HSD17B11: variants seen among roughly 807,000 people sequenced by gnomAD.
HSD17B11 encodes the protein hydroxysteroid 17-beta dehydrogenase 11, also known as estradiol 17-beta-dehydrogenase 11.
Under a neutral mutation model 27.8 loss-of-function variants are expected in HSD17B11, and 22 were observed. That is an observed-to-expected ratio of 0.79 (90% CI 0.56 to 1.13). HSD17B11 has a LOEUF of 1.13. Among genes scored for constraint, HSD17B11 ranks in the 50% most tolerant of loss-of-function variants. The pLI is 0.00. For missense variants in HSD17B11, 314 were observed against 351.1 expected (o/e 0.89, Z 0.84); for synonymous variants, 117 against 132.8 (o/e 0.88, Z 0.82).
intron 5 of HSD17B11, among the ~76,000 whole-genome samples, chr4:87,346,328 GTAGCAAAGA>G (rs930358277): frequency 6.6e-6 from 1 of 152,162 alleles, no homozygotes; most frequent in African/African-American, 2.4e-5. Flanking sequence ...TCAAAATGGA[GTAGCAAAGA>G]TAGTAGGATT....
At chr4:87,365,165 G>T (rs945502956) in intron 4 of HSD17B11, among the ~76,000 whole-genome samples, 3 of 151,746 alleles carry the variant, frequency 2.0e-5, no homozygotes, top group African/African-American at 7.3e-5. Flanking sequence ...GCGAAACTTT[G>T]TCTCAAAAAA....
rs1735067154 is a variant in HSD17B11, at chr4:87,336,867, C to G, written c.*409G>C. 1 of 175,148 alleles carries G rather than the reference C, an allele frequency of 5.7e-6. No homozygotes were observed. The allele number at this position is 175,148 out of a possible 1,614,324, so 10.8% of individuals were successfully genotyped here. A position where few individuals can be genotyped will look rare whatever the true frequency, so the allele number is the denominator to read the frequency against. ...ATAGTCCTTCATTTTATTTAGAGAG[C>G]TTGAAGTTTCTGATTTTATGTAGAA... On this transcript the variant is annotated 3_prime_UTR_variant, in exon 7 of 7. Transcript: ENST00000358290.
In HSD17B11 at chr4:87,380,920, C is replaced by T. The variant is rs181711847; in HGVS notation, c.318+1335G>A. ...CTCAGGCCAGGTGTGGTGGCTCACG[C>T]GTGTAATCCCAGCACTTTGGGAGGC... is the stretch of plus-strand genomic sequence containing the variant. On this transcript the variant is annotated intron_variant, in intron 2 of 6. Transcript: ENST00000358290. Among the ~76,000 whole-genome samples, 12 of 144,890 alleles carry T rather than the reference C, an allele frequency of 8.3e-5. No homozygotes were observed. In the East Asian group the frequency reaches 2.3e-3, roughly 27 times the overall value.
intron 5 of HSD17B11, among the ~76,000 whole-genome samples, chr4:87,354,434 G>A (rs1735342799): frequency 1.3e-5 from 2 of 151,796 alleles, no homozygotes; most frequent in South Asian, 2.1e-4. Context: ...AGTTCAAGGA[G>A]CCCTTGAGCC....
chr4:87,342,348 C>T (rs931944542), intron 5 of HSD17B11, among the ~76,000 whole-genome samples: 7 of 151,228 alleles, frequency 4.6e-5, no homozygotes, highest in African/African-American at 1.2e-4. Flanking sequence ...TGCCACTGCA[C>T]CCCAGCCTGG....
intron 3 of HSD17B11, chr4:87,374,443 A>G: frequency 3.7e-6 from 1 of 268,610 alleles, no homozygotes; most frequent in Non-Finnish European, 7.0e-6. Context: ...AAATGTGAGA[A>G]CCTAGCTTAG....
Position 87,382,240 on chromosome 4 carries a change from AAC to A in HSD17B11, c.318+13_318+14del. Reference sequence around the variant, plus strand: ...CTCTAACATGATATGATTCTAACTAAACACAACATTTCACCTTCTTTGCAGAG... The same window carrying A: ...CTCTAACATGATATGATTCTAACTAAACAACATTTCACCTTCTTTGCAGAG... On this transcript the variant is annotated intron_variant, in intron 2 of 6. Coordinates refer to ENST00000358290, the MANE Select transcript of HSD17B11 (RefSeq NM_016245.5). 1 of 1,587,674 alleles carries A rather than the reference AAC, an allele frequency of 6.3e-7. No homozygotes were observed. Among genetic ancestry groups the A allele is most frequent in the Non-Finnish European group, 8.6e-7 (1 of 1,156,098 alleles).
intron 5 of HSD17B11, among the ~76,000 whole-genome samples, chr4:87,341,164 GTTT>G (rs961260971): frequency 6.6e-6 from 1 of 151,290 alleles, no homozygotes; most frequent in East Asian, 1.9e-4. Flanking sequence ...GGTTGTTGTT[GTTT>G]TTTTTGGTTT....
rs538219278 is a variant in HSD17B11 at position 87,358,005 on chromosome 4, A to G, written c.558-589T>C. Among the ~76,000 whole-genome samples the G allele has an allele frequency of 2.3e-4, 25 of 108,898 alleles. No individual in the cohort carries two copies. In the East Asian group the frequency reaches 4.3e-3, roughly 19 times the overall value. 71.4% of individuals were successfully genotyped at this position (108,898 alleles called of 152,430 possible). ...GAGACAGAGTCTTGCTCTGTCACCC[A>G]GGCTGGAGTGCGGTGGTGCGATCTC... On this transcript the variant is annotated intron_variant, in intron 4 of 6. Transcript: ENST00000358290.
At chr4:87,357,474 C>T (rs1735409478) in intron 4 of HSD17B11, 58 bp from the exon 5 acceptor site, 4 of 1,531,046 alleles carry the variant, frequency 2.6e-6, no homozygotes, top group South Asian at 2.4e-5. Context: ...GCCTGTTTTC[C>T]TCAGTTCAGC....
chr4:87,387,051 A>G (rs367710734), intron 1 of HSD17B11: 12 of 152,312 alleles, frequency 7.9e-5, no homozygotes, highest in African/African-American at 2.9e-4. Flanking sequence ...AAGGTACCAT[A>G]TTGATTCTGA....
intron 2 of HSD17B11, among the ~76,000 whole-genome samples, chr4:87,377,316 G>A (rs1457165626): frequency 6.6e-6 from 1 of 152,060 alleles, no homozygotes; most frequent in South Asian, 2.1e-4. Context: ...TAGGCGTGGT[G>A]ACGTGCACCT....
rs1720084617 is a variant in HSD17B11 at position 87,379,839 on chromosome 4, C to T, written c.318+2416G>A. ...TAGTATTAATAGTATATGTATTATACTATTATATATGTATATGTATATGTA... is the reference window on the plus strand; with the variant it reads ...TAGTATTAATAGTATATGTATTATATTATTATATATGTATATGTATATGTA... On this transcript the variant is annotated intron_variant, in intron 2 of 6. Coordinates refer to ENST00000358290, the MANE Select transcript of HSD17B11 (RefSeq NM_016245.5). Among the ~76,000 whole-genome samples the T allele has an allele frequency of 4.9e-5, 3 of 60,756 alleles. No homozygotes were observed. The South Asian group carries it at 8.8e-4, about 18-fold the overall frequency. The allele number at this position is 60,756 out of a possible 152,430, so 39.9% of individuals were successfully genotyped here.
intron 3 of HSD17B11, 93 bp from the exon 4 acceptor site, chr4:87,372,908 C>T (rs972787018): frequency 2.6e-6 from 2 of 755,228 alleles, no homozygotes; most frequent in Admixed American, 2.7e-5. Flanking sequence ...TATTTTTTAA[C>T]ATTAATCCTG....
In HSD17B11 at chr4:87,391,035, C is replaced by T. The variant is rs1202330415; in HGVS notation, c.36G>A (p.Pro12=). ...ACTCTAGGGAGCAGACGATCAGTAACGGGAGAAGCAGGAGGATGTCCAGAA... is the reference window on the plus strand; with the variant it reads ...ACTCTAGGGAGCAGACGATCAGTAATGGGAGAAGCAGGAGGATGTCCAGAA... ...KFLLDILLLL[P]LLIVCSLESF... The change falls in exon 1 of 7, where the codon CCG becomes CCA. Residue 12 remains proline (P), a synonymous_variant. Coordinates refer to ENST00000358290, the MANE Select transcript of HSD17B11 (RefSeq NM_016245.5). 15 of 1,613,402 alleles carry T rather than the reference C, an allele frequency of 9.3e-6. No individual in the cohort carries two copies. The highest frequency in any genetic ancestry group is 5.4e-5 in the African/African-American group (4 of 74,706).
chr4:87,336,543 A>G lies in HSD17B11; in HGVS notation c.*733T>C, dbSNP rs962430216. On this transcript the variant is annotated 3_prime_UTR_variant, in exon 7 of 7. Coordinates refer to ENST00000358290, the MANE Select transcript of HSD17B11 (RefSeq NM_016245.5). ...CCAGTTTTTAAAAAAAGATTGCACA[A>G]TTTATTTTCCTTTAATTTGAAGGTT... The G allele has an allele frequency of 6.6e-5, 10 of 152,006 alleles. No individual in the cohort carries two copies. The highest frequency in any genetic ancestry group is 5.9e-4 in the Admixed American group (9 of 15,270). The allele number at this position is 152,006 out of a possible 1,614,324, so 9.4% of individuals were successfully genotyped here. A position where few individuals can be genotyped will look rare whatever the true frequency, so the allele number is the denominator to read the frequency against.
At position 87,357,421 on chromosome 4, in the gene HSD17B11, A is replaced by C. The variant is rs937531103; in HGVS notation, c.558-5T>G. On this transcript the variant is annotated splice_polypyrimidine_tract_variant and splice_region_variant and intron_variant, in intron 4 of 6. Transcript: ENST00000358290. Reference sequence around the variant, plus strand: ...ACAGCAGCAAACTTGCTTGAACTGAAAATAGAGAGTTTACAAAATAATTCA... The same window carrying C: ...ACAGCAGCAAACTTGCTTGAACTGACAATAGAGAGTTTACAAAATAATTCA... 12 of 1,610,066 alleles carry C rather than the reference A, an allele frequency of 7.5e-6. No homozygotes were observed. In the Admixed American group the frequency reaches 1.4e-4, roughly 18 times the overall value.
chr4:87,364,288 A>G (rs1472630916), intron 4 of HSD17B11, among the ~76,000 whole-genome samples: 1 of 147,694 alleles, frequency 6.8e-6, no homozygotes, highest in African/African-American at 2.5e-5. Context: ...AAAAAAAAAG[A>G]AAAAAAACCC....
chr4:87,368,638 C>T (rs1029985618), intron 4 of HSD17B11, among the ~76,000 whole-genome samples: 1 of 152,132 alleles, frequency 6.6e-6, no homozygotes. Flanking sequence ...ACTGTTAACG[C>T]ATTCTAAGTC....
Sources: allele counts gnomAD v4.1 joint callset (sites outside exome capture counted in the v4.1 genomes callset), GRCh38; gene constraint gnomAD v4.1.1; transcripts MANE v1.5; gene names NCBI Gene and HGNC (gene_info 2026-07-23, HGNC 2026-07-21).